Variants in PAWR observed in about 807,000 individuals in gnomAD.
The protein encoded by PAWR is PRKC apoptosis WT1 regulator protein.
PAWR carries 23 observed loss-of-function variants against 32.0 expected under a neutral mutation model. The observed-to-expected ratio is 0.72, with a 90% CI of 0.52 to 1.02. The LOEUF is 1.02. Ranked by LOEUF, PAWR falls within the 50% of genes least tolerant of loss-of-function variation. The probability of loss-of-function intolerance (pLI) is 0.00; values close to 1 mark genes in which losing one functional copy is unlikely to be tolerated. For synonymous variants in PAWR, 226 were observed against 187.1 expected, an observed-to-expected ratio of 1.21 and a Z score of -1.70; for missense variants, 457 against 437.7, an observed-to-expected ratio of 1.04 and a Z score of -0.39.
intron 2 of PAWR, among the ~76,000 whole-genome samples, chr12:79,648,436 T>C (rs936873314): frequency 1.1e-4 from 16 of 152,052 alleles, no homozygotes; most frequent in Non-Finnish European, 2.1e-4. Flanking sequence ...TCAGAAGTTA[T>C]TGAGCAACCC....
Position 79,677,974 on chromosome 12 carries a change from T to C in PAWR, c.516+11755A>G, listed in dbSNP as rs536487124. Among the ~76,000 whole-genome samples, 12 of 152,316 alleles carry C rather than the reference T, an allele frequency of 7.9e-5. No individual in the cohort carries two copies. In the South Asian group the frequency reaches 2.5e-3, roughly 32 times the overall value. The stretch of plus-strand genomic sequence containing the variant: ...TATCACTGGAGTTCCCCACCTCCAC[T>C]CCATCTGCCCTCTACCCCCAAACAC... On this transcript the variant is annotated intron_variant, in intron 2 of 6. Transcript: ENST00000328827.
chr12:79,599,856 C>T (rs1374545406), intron 4 of PAWR, among the ~76,000 whole-genome samples: 1 of 152,082 alleles, frequency 6.6e-6, no homozygotes, highest in Non-Finnish European at 1.5e-5. Context: ...ATGTTAGCAA[C>T]CTCAAGTCAG....
chr12:79,642,568 G>A (rs1224327310), intron 2 of PAWR, among the ~76,000 whole-genome samples: 1 of 151,830 alleles, frequency 6.6e-6, no homozygotes. Flanking sequence ...TCTTCATTTG[G>A]CCTTTTTTCT....
At chr12:79,689,440 A>G (rs1565709456) in intron 2 of PAWR, among the ~76,000 whole-genome samples, 1 of 152,208 alleles carries the variant, frequency 6.6e-6, no homozygotes. Flanking sequence ...CCAGGTGGGC[A>G]AGTCCTGGAG....
In PAWR at chr12:79,621,094, G is replaced by A. The variant is rs780357963; in HGVS notation, c.630C>T (p.Gly210=). The A allele has an allele frequency of 6.2e-7, 1 of 1,604,256 alleles. No homozygotes were observed. The highest frequency in any genetic ancestry group is 8.5e-7 in the Non-Finnish European group (1 of 1,175,726). ...QNEAVNLLDP[G]SSYLLQEPPR... ...TACTCACCTGTAGCAGATAGGAACT[G>A]CCTGGATCTAGTAAGTTTACAGCTT... is the stretch of plus-strand genomic sequence containing the variant. Residue 210 remains glycine (G), a synonymous_variant, in exon 3 of 7, where the codon GGC becomes GGT. Transcript: ENST00000328827.
intron 2 of PAWR, among the ~76,000 whole-genome samples, chr12:79,678,886 G>A (rs78948877): frequency 3.0e-5 from 2 of 66,718 alleles, no homozygotes; most frequent in African/African-American, 7.1e-5. Flanking sequence ...TTTTTTTTTG[G>A]CGGGGGTGGG....
In PAWR at chr12:79,687,329, C is replaced by T. The variant is rs115210183; in HGVS notation, c.516+2400G>A. 2.1e-3 allele frequency among the ~76,000 whole-genome samples: 326 copies of T among 152,238 alleles called. 2 individuals carry two copies. The highest frequency in any genetic ancestry group is 7.6e-3 in the African/African-American group (317 of 41,538). ...CCTTTATAACAGTATTATATATACA[C>T]TCTATAACTAGTAAAGTGAGGTAAT... is the stretch of plus-strand genomic sequence containing the variant. On this transcript the variant is annotated intron_variant, in intron 2 of 6. Transcript: ENST00000328827.
chr12:79,690,459 C>T, intron 1 of PAWR, 68 bp from the exon 2 acceptor site: 1 of 1,029,670 alleles, frequency 9.7e-7, no homozygotes, highest in South Asian at 2.6e-5. Context: ...AAGGGTCTGC[C>T]CCCGGGCTGC....
At chr12:79,687,289 A>C (rs1443361982) in intron 2 of PAWR, among the ~76,000 whole-genome samples, 1 of 152,114 alleles carries the variant, frequency 6.6e-6, no homozygotes, top group Non-Finnish European at 1.5e-5. Flanking sequence ...TGGTATCTTT[A>C]GCTGCTGTCA....
intron 5 of PAWR, among the ~76,000 whole-genome samples, chr12:79,594,916 C>G (rs1322401199): frequency 6.6e-6 from 1 of 152,126 alleles, no homozygotes; most frequent in African/African-American, 2.4e-5. Context: ...GGGGCTTTGC[C>G]ATGTTGCCCA....
At chr12:79,635,194 A>G (rs1478805729) in intron 2 of PAWR, among the ~76,000 whole-genome samples, 1 of 152,116 alleles carries the variant, frequency 6.6e-6, no homozygotes, top group Non-Finnish European at 1.5e-5. Flanking sequence ...TGGTGTCTCA[A>G]CTGGAACTTA....
intron 2 of PAWR, among the ~76,000 whole-genome samples, chr12:79,659,935 G>GA (rs1459966629): frequency 1.3e-5 from 2 of 151,954 alleles, no homozygotes; most frequent in Admixed American, 1.3e-4. Flanking sequence ...TAAAGACATG[G>GA]AAAAAAAGAT....
intron 2 of PAWR, among the ~76,000 whole-genome samples, chr12:79,679,814 C>T (rs1469444928): frequency 6.6e-6 from 1 of 152,136 alleles, no homozygotes; most frequent in African/African-American, 2.4e-5. Context: ...CAGCTCAAAA[C>T]ATCCAGTTAT....
intron 2 of PAWR, among the ~76,000 whole-genome samples, chr12:79,670,873 A>AG (rs1195890456): frequency 6.7e-6 from 1 of 150,216 alleles, no homozygotes; most frequent in East Asian, 1.9e-4. Flanking sequence ...CTTTTTTTTT[A>AG]GGGGTTTTTT....
At position 79,664,659 on chromosome 12, in the gene PAWR, G is replaced by GGGC. The variant is rs1555177482; in HGVS notation, c.516+25069_516+25070insGCC. 3.7e-3 allele frequency among the ~76,000 whole-genome samples: 20 copies of GGGC among 5,460 alleles called. 3 individuals are homozygous for GGGC. The highest frequency in any genetic ancestry group is 0.018 in the African/African-American group (19 of 1,030). The allele number at this position is 5,460 out of a possible 152,430, so 3.6% of individuals were successfully genotyped here. A position where few individuals can be genotyped will look rare whatever the true frequency, so the allele number is the denominator to read the frequency against. ...TTAAGGACAAAGTAGACTCTTTGGC[G>GGGC]GGGGGGGGAGGAGAGAGAGAGAGTG... On this transcript the variant is annotated intron_variant, in intron 2 of 6. Coordinates refer to ENST00000328827, the MANE Select transcript of PAWR (RefSeq NM_002583.4).
intron 2 of PAWR, among the ~76,000 whole-genome samples, chr12:79,665,508 C>T (rs955430179): frequency 6.6e-6 from 1 of 151,970 alleles, no homozygotes; most frequent in African/African-American, 2.4e-5. Context: ...ATAAAAATTC[C>T]GTAAGTCAAT....
chr12:79,658,259 TAA>T (rs1209062646), intron 2 of PAWR, among the ~76,000 whole-genome samples: 1 of 152,164 alleles, frequency 6.6e-6, no homozygotes, highest in Non-Finnish European at 1.5e-5. Context: ...TAATTGTCCT[TAA>T]AGAGTCTTTA....
chr12:79,613,970 TATATATATA>T (rs1566002617), intron 3 of PAWR, among the ~76,000 whole-genome samples: 19 of 10,460 alleles, frequency 1.8e-3, no homozygotes, highest in African/African-American at 9.1e-3. Context: ...TATATATATA[TATATATATA>T]TTTTTTTTTT....
chr12:79,605,237 C>A (rs143604845), intron 4 of PAWR, among the ~76,000 whole-genome samples: 7 of 151,914 alleles, frequency 4.6e-5, no homozygotes, highest in African/African-American at 1.7e-4. Context: ...TAAGTTGTTG[C>A]AGTTAGGGAA....
Sources: allele counts gnomAD v4.1 joint callset (sites outside exome capture counted in the v4.1 genomes callset), GRCh38; gene constraint gnomAD v4.1.1; transcripts MANE v1.5; gene names NCBI Gene and HGNC (gene_info 2026-07-23, HGNC 2026-07-21).